Variants in SLCO1A2 observed in about 807,000 individuals in gnomAD.
The protein encoded by SLCO1A2 is OATP-1.
Under a neutral mutation model 69.0 loss-of-function variants are expected in SLCO1A2, and 67 were observed. The ratio of observed to expected loss-of-function variants is 0.97; its 90% CI spans 0.80 to 1.19. SLCO1A2 has a LOEUF of 1.19. Among genes scored for constraint, SLCO1A2 ranks in the 50% most tolerant of loss-of-function variants. The pLI is 0.00. For synonymous variants in SLCO1A2, 260 were observed against 265.9 expected, an observed-to-expected ratio of 0.98 and a Z score of 0.22; for missense variants, 787 against 793.7, an observed-to-expected ratio of 0.99 and a Z score of 0.10.
chr12:21,287,530 T>A (rs1040808259), intron 12 of SLCO1A2, among the ~76,000 whole-genome samples: 2 of 145,846 alleles, frequency 1.4e-5, no homozygotes, highest in Non-Finnish European at 3.0e-5. Flanking sequence ...CAAACGACTA[T>A]AAATCATGCT....
chr12:21,307,308 A>G (rs1243538844), intron 4 of SLCO1A2, among the ~76,000 whole-genome samples: 2 of 152,204 alleles, frequency 1.3e-5, no homozygotes, highest in African/African-American at 4.8e-5. Context: ...TAAGGAACAC[A>G]AACTTTAAAA....
At chr12:21,378,044 T>C (rs1940332047) in intron 1 of SLCO1A2, among the ~76,000 whole-genome samples, 1 of 152,226 alleles carries the variant, frequency 6.6e-6, no homozygotes, top group African/African-American at 2.4e-5. Context: ...AGATGTTGTA[T>C]GATTTTCAAT....
At chr12:21,327,841 C>T (rs750953143) in intron 2 of SLCO1A2, among the ~76,000 whole-genome samples, 60 of 151,890 alleles carry the variant, frequency 4.0e-4, no homozygotes, top group Non-Finnish European at 7.1e-4. Context: ...GGGACTGTTG[C>T]GAAGGCATGA....
chr12:21,282,070 C>A (rs575515074), intron 12 of SLCO1A2, among the ~76,000 whole-genome samples: 1 of 149,860 alleles, frequency 6.7e-6, no homozygotes, highest in East Asian at 2.0e-4. Context: ...CAAACTCATT[C>A]TATGAGGCCA....
intron 2 of SLCO1A2, among the ~76,000 whole-genome samples, chr12:21,369,108 A>G (rs1018485737): frequency 2.6e-5 from 4 of 152,176 alleles, no homozygotes; most frequent in Non-Finnish European, 5.9e-5. Context: ...AACACATACA[A>G]ATTTGATAAA....
chr12:21,373,168 A>C (rs1410294491), intron 2 of SLCO1A2: 3 of 608,108 alleles, frequency 4.9e-6, no homozygotes, highest in Non-Finnish European at 2.9e-6. Flanking sequence ...AAATCTCGAA[A>C]TTACTTGAAA....
At chr12:21,346,526 A>G (rs1173686120) in intron 2 of SLCO1A2, among the ~76,000 whole-genome samples, 1 of 152,178 alleles carries the variant, frequency 6.6e-6, no homozygotes, top group Non-Finnish European at 1.5e-5. Flanking sequence ...GTTAGCAAAA[A>G]AAAAAAACAT....
intron 2 of SLCO1A2, among the ~76,000 whole-genome samples, chr12:21,344,780 T>A (rs1423910979): frequency 1.3e-5 from 2 of 152,024 alleles, no homozygotes; most frequent in Non-Finnish European, 2.9e-5. Context: ...ACAAATGAGA[T>A]TTTAAAAAAA....
chr12:21,399,639 C>G (rs1418704878), upstream of SLCO1A2, among the ~76,000 whole-genome samples: 1 of 79,086 alleles, frequency 1.3e-5, no homozygotes, highest in South Asian at 4.4e-4. Flanking sequence ...TACAAGGCTA[C>G]AGTAACCAAA....
At chr12:21,414,269 C>T (rs978812766) in intron 1 of SLCO1A2, among the ~76,000 whole-genome samples, 2 of 139,680 alleles carry the variant, frequency 1.4e-5, no homozygotes, top group Non-Finnish European at 3.1e-5. Flanking sequence ...TGAGCCACTG[C>T]GTCCAGCCTC....
intron 1 of SLCO1A2, among the ~76,000 whole-genome samples, chr12:21,404,018 A>T (rs898871823): frequency 6.6e-6 from 1 of 152,090 alleles, no homozygotes; most frequent in Non-Finnish European, 1.5e-5. Flanking sequence ...TTGAAAACAG[A>T]GTTGATGCGG....
intron 12 of SLCO1A2, among the ~76,000 whole-genome samples, chr12:21,278,990 T>C (rs1342257029): frequency 6.6e-6 from 1 of 151,948 alleles, no homozygotes; most frequent in African/African-American, 2.4e-5. Flanking sequence ...ATTAGATGAA[T>C]TTTACAAAGA....
At chr12:21,371,371 C>T (rs539643409) in intron 2 of SLCO1A2, among the ~76,000 whole-genome samples, 3 of 151,598 alleles carry the variant, frequency 2.0e-5, no homozygotes, top group South Asian at 2.1e-4. Flanking sequence ...TATCTTCTTA[C>T]GGAAATGCAT....
intron 12 of SLCO1A2, among the ~76,000 whole-genome samples, chr12:21,281,311 G>A (rs1944744891): frequency 6.6e-6 from 1 of 151,942 alleles, no homozygotes; most frequent in Admixed American, 6.6e-5. Context: ...TTAGCTGGGT[G>A]TGGTGGTGTG....
chr12:21,322,019 T>C (rs1268037210), intron 2 of SLCO1A2, among the ~76,000 whole-genome samples: 1 of 152,182 alleles, frequency 6.6e-6, no homozygotes, highest in Non-Finnish European at 1.5e-5. Context: ...AGGCACCCAA[T>C]ACAAGTTTAT....
At chr12:21,375,239 T>C (rs532543844) in intron 1 of SLCO1A2, among the ~76,000 whole-genome samples, 6 of 152,332 alleles carry the variant, frequency 3.9e-5, no homozygotes, top group Admixed American at 1.3e-4. Flanking sequence ...ATCTTTAACT[T>C]TGAATTATTA....
intron 12 of SLCO1A2, among the ~76,000 whole-genome samples, chr12:21,283,224 T>C (rs542941905): frequency 3.5e-4 from 54 of 152,172 alleles, no homozygotes; most frequent in African/African-American, 1.3e-3. Flanking sequence ...AACAGACACA[T>C]AGACCAATGG....
rs570426317 is a variant in SLCO1A2, at chr12:21,414,275, G to A, written c.-312+3607C>T. Among the ~76,000 whole-genome samples, 136 of 111,340 alleles carry A rather than the reference G, an allele frequency of 1.2e-3. No individual in the cohort carries two copies. In the East Asian group the frequency reaches 0.037, roughly 30 times the overall value. The allele number at this position is 111,340 out of a possible 152,430, so 73.0% of individuals were successfully genotyped here. A position where few individuals can be genotyped will look rare whatever the true frequency, so the allele number is the denominator to read the frequency against. On this transcript the variant is annotated intron_variant, in intron 1 of 4. Transcript: ENST00000413682. Reference sequence around the variant, plus strand: ...TTAAAGGATTGAGCCACTGCGTCCAGCCTCTTTTTTTTTTTTTAATTTCTT... The same window carrying A: ...TTAAAGGATTGAGCCACTGCGTCCAACCTCTTTTTTTTTTTTTAATTTCTT...
intron 12 of SLCO1A2, among the ~76,000 whole-genome samples, chr12:21,277,065 G>A (rs141051802): frequency 9.8e-5 from 15 of 152,324 alleles, no homozygotes; most frequent in African/African-American, 3.4e-4. Context: ...AGCCAGGGAA[G>A]CTAAGGAAGT....
Sources: allele counts gnomAD v4.1 joint callset (sites outside exome capture counted in the v4.1 genomes callset), GRCh38; gene constraint gnomAD v4.1.1; transcripts MANE v1.5; gene names NCBI Gene and HGNC (gene_info 2026-07-23, HGNC 2026-07-21).